GAP43: variants seen among roughly 807,000 people sequenced by gnomAD.
GAP43 encodes the protein neuromodulin.
A neutral mutation model predicts 18.6 loss-of-function variants in GAP43; 6 were observed. The ratio of observed to expected loss-of-function variants is 0.32; its 90% CI spans 0.18 to 0.64. The LOEUF (loss-of-function observed/expected upper bound fraction) is 0.64, where lower values mean the gene tolerates loss of function less well. Ranked by LOEUF, GAP43 falls within the 30% of genes least tolerant of loss-of-function variation. The probability of loss-of-function intolerance (pLI) is 0.78; values close to 1 mark genes in which losing one functional copy is unlikely to be tolerated. For missense variants in GAP43, 292 were observed against 295.5 expected (o/e 0.99, Z 0.09); for synonymous variants, 115 against 111.4 (o/e 1.03, Z -0.20).
chr3:115,642,132 T>A (rs887263604), intron 1 of GAP43, among the ~76,000 whole-genome samples: 1 of 152,110 alleles, frequency 6.6e-6, no homozygotes. Context: ...AATTTCTAGA[T>A]GTATATATGC....
At chr3:115,628,317 C>T (rs1392634292) in intron 1 of GAP43, among the ~76,000 whole-genome samples, 1 of 151,934 alleles carries the variant, frequency 6.6e-6, no homozygotes. Flanking sequence ...TGGCTCCTTT[C>T]CTTATAGTTT....
At chr3:115,638,773 C>G (rs139004093) in intron 1 of GAP43, among the ~76,000 whole-genome samples, 3 of 151,850 alleles carry the variant, frequency 2.0e-5, no homozygotes, top group Non-Finnish European at 4.4e-5. Flanking sequence ...TGTTTATTTC[C>G]GTGATAATAA....
At chr3:115,652,510 G>A (rs893283888) in intron 1 of GAP43, among the ~76,000 whole-genome samples, 5 of 151,502 alleles carry the variant, frequency 3.3e-5, no homozygotes, top group South Asian at 2.1e-4. Context: ...TCAGCTTCCC[G>A]AGTGACTGAG....
Position 115,721,480 on chromosome 3 carries a change from T to G in GAP43, c.*598T>G, listed in dbSNP as rs1238432745. ...GAATATTAATAAATCATGAGAGTAA[T>G]CAAGGTCCAATGGCTCTGTGTTTCT... On this transcript the variant is annotated 3_prime_UTR_variant, in exon 3 of 3. Coordinates refer to ENST00000305124, the MANE Select transcript of GAP43 (RefSeq NM_002045.4). The G allele has an allele frequency of 6.6e-6, 1 of 152,204 alleles. No individual in the cohort carries two copies. Among genetic ancestry groups the G allele is most frequent in the Non-Finnish European group, 1.5e-5 (1 of 68,052 alleles). 9.4% of individuals were successfully genotyped at this position (152,204 alleles called of 1,614,324 possible). A position where few individuals can be genotyped will look rare whatever the true frequency, so the allele number is the denominator to read the frequency against.
chr3:115,713,421 G>A (rs942276717), intron 2 of GAP43, among the ~76,000 whole-genome samples: 2 of 152,156 alleles, frequency 1.3e-5, no homozygotes, highest in African/African-American at 4.8e-5. Flanking sequence ...CAGTAATGTA[G>A]GGCTGTGGAA....
At chr3:115,700,626 G>T (rs921574038) in intron 2 of GAP43, among the ~76,000 whole-genome samples, 1 of 151,974 alleles carries the variant, frequency 6.6e-6, no homozygotes, top group Non-Finnish European at 1.5e-5. Flanking sequence ...ATATTATTAT[G>T]TACACTGAAG....
intron 1 of GAP43, among the ~76,000 whole-genome samples, chr3:115,642,449 C>T (rs765279564): frequency 2.0e-5 from 3 of 151,100 alleles, no homozygotes; most frequent in Non-Finnish European, 2.9e-5. Context: ...CCTAAATTAG[C>T]TCATAGTATA....
Position 115,675,962 on chromosome 3 carries a change from G to A in GAP43, c.31-51G>A, listed in dbSNP as rs1708877630. 3 of 1,540,010 alleles carry A rather than the reference G, an allele frequency of 1.9e-6. No individual in the cohort carries two copies. The African/African-American group carries it at 4.2e-5, about 21-fold the overall frequency. ...TACTTGTTGAATGCTGAGATTTAAA[G>A]GAGAAGAATGTCATTGAAGCCCTCT... On this transcript the variant is annotated intron_variant, in intron 1 of 2. Transcript: ENST00000305124.
rs527423995 is a variant in GAP43 at position 115,693,794 on chromosome 3, G to A, written c.628+17184G>A. On this transcript the variant is annotated intron_variant, in intron 2 of 2. Transcript: ENST00000305124. ...AAAATAAAATGATGGGGGCTGGGGCGGGGCGGGGCAGGGGAGAGGATGGAT... is the reference window on the plus strand; with the variant it reads ...AAAATAAAATGATGGGGGCTGGGGCAGGGCGGGGCAGGGGAGAGGATGGAT... 2.4e-3 allele frequency among the ~76,000 whole-genome samples: 368 copies of A among 151,754 alleles called. 1 individual carries two copies. Among genetic ancestry groups the A allele is most frequent in the African/African-American group, 5.5e-3 (229 of 41,340 alleles).
chr3:115,694,201 C>T (rs975951526), intron 2 of GAP43, among the ~76,000 whole-genome samples: 4 of 152,136 alleles, frequency 2.6e-5, no homozygotes, highest in Admixed American at 6.5e-5. Flanking sequence ...GCCCAGAAAT[C>T]GAAGCATAGC....
At chr3:115,706,488 G>C (rs190259422) in intron 2 of GAP43, among the ~76,000 whole-genome samples, 1 of 152,246 alleles carries the variant, frequency 6.6e-6, no homozygotes, top group East Asian at 1.9e-4. Context: ...TAAGGTTTTT[G>C]TTTGTTTAAT....
chr3:115,641,414 G>A (rs1209403058), intron 1 of GAP43, among the ~76,000 whole-genome samples: 2 of 150,522 alleles, frequency 1.3e-5, no homozygotes, highest in Admixed American at 1.3e-4. Context: ...ACACACATAG[G>A]GGTGTGCATA....
At chr3:115,694,696 C>T (rs1163475825) in intron 2 of GAP43, among the ~76,000 whole-genome samples, 1 of 152,196 alleles carries the variant, frequency 6.6e-6, no homozygotes, top group Non-Finnish European at 1.5e-5. Flanking sequence ...CTCATTTCTG[C>T]TCCCTTTCCA....
chr3:115,643,248 T>C (rs1470373313), intron 1 of GAP43, among the ~76,000 whole-genome samples: 1 of 152,088 alleles, frequency 6.6e-6, no homozygotes, highest in East Asian at 1.9e-4. Flanking sequence ...AATTACAAAT[T>C]ATCCTCAGTG....
chr3:115,673,081 GTTGT>G (rs1708835564), intron 1 of GAP43, among the ~76,000 whole-genome samples: 2 of 152,046 alleles, frequency 1.3e-5, no homozygotes. Context: ...ATACTTCTGG[GTTGT>G]TTAAGTGAGG....
At chr3:115,698,108 AATATATAAT>A (rs1576998373) in intron 2 of GAP43, among the ~76,000 whole-genome samples, 6 of 28,430 alleles carry the variant, frequency 2.1e-4, no homozygotes, top group African/African-American at 5.5e-4. Context: ...TAATATATAA[AATATATAAT>A]ATATATTATA....
intron 2 of GAP43, among the ~76,000 whole-genome samples, chr3:115,698,205 T>TATATAATA (rs376925773): frequency 0.02 from 108 of 5,454 alleles, no homozygotes; most frequent in Non-Finnish European, 0.071. Flanking sequence ...ATATTATATA[T>TATATAATA]TATATAAAAT....
intron 1 of GAP43, among the ~76,000 whole-genome samples, chr3:115,626,784 T>C (rs779191548): frequency 5.3e-4 from 80 of 152,272 alleles, no homozygotes; most frequent in Non-Finnish European, 1.0e-3. Flanking sequence ...TGCCAATATC[T>C]GCTTTTTTCC....
At chr3:115,704,959 T>G (rs966172293) in intron 2 of GAP43, among the ~76,000 whole-genome samples, 3 of 152,210 alleles carry the variant, frequency 2.0e-5, no homozygotes, top group Admixed American at 2.0e-4. Flanking sequence ...AGATTTTGTA[T>G]TTTTGTCCTG....
Sources: gnomAD v4.1 joint callset for allele counts (sites outside exome capture counted in the v4.1 genomes callset) on GRCh38, gnomAD v4.1.1 for gene constraint, MANE v1.5 for transcripts, NCBI Gene and HGNC (gene_info 2026-07-23, HGNC 2026-07-21) for gene names.